BUD13: variants seen among roughly 807,000 people sequenced by gnomAD.
BUD13 encodes BUD13 homolog.
A neutral mutation model predicts 62.5 loss-of-function variants in BUD13; 47 were observed. The ratio of observed to expected loss-of-function variants is 0.75; its 90% CI spans 0.60 to 0.96. BUD13 has a LOEUF of 0.96. Among genes scored for constraint, BUD13 ranks in the 40% least tolerant of loss-of-function variants. BUD13 has a pLI of 0.00. For missense variants in BUD13, 821 were observed against 790.9 expected, an observed-to-expected ratio of 1.04 and a Z score of -0.46; for synonymous variants, 293 against 280.1, an observed-to-expected ratio of 1.05 and a Z score of -0.46.
At position 116,748,932 on chromosome 11, in the gene BUD13, C is replaced by T. The variant is rs1034942389; in HGVS notation, c.1767-357G>A. Among the ~76,000 whole-genome samples, 8 of 130,904 alleles carry T rather than the reference C, an allele frequency of 6.1e-5. No individual in the cohort carries two copies. In the South Asian group the frequency reaches 7.2e-4, roughly 12 times the overall value. The allele number at this position is 130,904 out of a possible 152,430, so 85.9% of individuals were successfully genotyped here. A position where few individuals can be genotyped will look rare whatever the true frequency, so the allele number is the denominator to read the frequency against. ...CCTGGACAGCAGAGGTTGCAGTGAG[C>T]GGAGATCGTGCCACTGCACTCCAGC... On this transcript the variant is annotated intron_variant, in intron 9 of 9. Transcript: ENST00000260210.
chr11:116,764,947 A>ATATT, intron 3 of BUD13, among the ~76,000 whole-genome samples: 1 of 152,308 alleles, frequency 6.6e-6, no homozygotes, highest in South Asian at 2.1e-4. Context: ...ACAGAACAAA[A>ATATT]TACACTGGTC....
At chr11:116,772,686 G>A (rs895030611) in intron 1 of BUD13, 136 bp downstream of exon 1, 5 of 1,235,826 alleles carry the variant, frequency 4.0e-6, no homozygotes, top group Non-Finnish European at 5.3e-6. Flanking sequence ...TGTGAGTGGG[G>A]CCCTGAGCAT....
intron 1 of BUD13, among the ~76,000 whole-genome samples, chr11:116,771,058 G>T (rs1940619279): frequency 1.3e-5 from 2 of 152,198 alleles, no homozygotes; most frequent in South Asian, 4.1e-4. Flanking sequence ...GCCTCCCAAA[G>T]TGCTAGGAAA....
Position 116,772,966 on chromosome 11 carries a change from G to C in BUD13, c.-2C>G. 1 of 1,547,288 alleles carries C rather than the reference G, an allele frequency of 6.5e-7. No individual in the cohort carries two copies. Among genetic ancestry groups the C allele is most frequent in the East Asian group, 2.5e-5 (1 of 39,460 alleles). ...GGAAAGCGGCGGAGCTGCCGCCATG[G>C]CAGCGGCGGGGGCAGAGAGACGGGT... On this transcript the variant is annotated 5_prime_UTR_variant, in exon 1 of 10. Transcript: ENST00000260210.
At chr11:116,767,525 G>A (rs911839179) in intron 2 of BUD13, among the ~76,000 whole-genome samples, 9 of 148,756 alleles carry the variant, frequency 6.1e-5, no homozygotes, top group Non-Finnish European at 8.9e-5. Flanking sequence ...CCCGGGAGGC[G>A]GAGCTTGCAG....
chr11:116,769,952 G>A (rs547844881), intron 2 of BUD13, among the ~76,000 whole-genome samples, 177 bp downstream of exon 2: 14 of 151,844 alleles, frequency 9.2e-5, no homozygotes, highest in African/African-American at 3.1e-4. Context: ...AGCTACTCAG[G>A]AGGCTGAGGC....
intron 9 of BUD13, among the ~76,000 whole-genome samples, chr11:116,748,980 CAAAAAA>C (rs58988682): frequency 3.4e-5 from 3 of 87,008 alleles, no homozygotes; most frequent in South Asian, 7.8e-4. Context: ...GACTCTGTCT[CAAAAAA>C]AAAAAAAAAA....
chr11:116,757,937 G>T lies in BUD13; in HGVS notation c.1513C>A (p.Arg505=). ...AQWGKGLAQS[R]QQQQNVEDAM... ...TCCTCCACATTTTGTTGCTGTTGCC[G>T]GCTCTGGGCAAGCCTGGGCAAAAAG... is the stretch of plus-strand genomic sequence containing the variant. Residue 505 remains arginine, a synonymous_variant, in exon 8 of 10, where the codon CGG becomes AGG. Transcript: ENST00000260210. 6.2e-7 allele frequency: 1 copy of T among 1,613,766 alleles called. No individual in the cohort carries two copies. The highest frequency in any genetic ancestry group is 8.5e-7 in the Non-Finnish European group (1 of 1,179,992).
At chr11:116,756,934 A>G (rs1269612003) in intron 9 of BUD13, among the ~76,000 whole-genome samples, 1 of 152,236 alleles carries the variant, frequency 6.6e-6, no homozygotes, top group African/African-American at 2.4e-5. Context: ...GTGTTTGTCC[A>G]GAGCTTTAAA....
At chr11:116,771,101 C>G (rs1345519911) in intron 1 of BUD13, among the ~76,000 whole-genome samples, 1 of 152,194 alleles carries the variant, frequency 6.6e-6, no homozygotes, top group Non-Finnish European at 1.5e-5. Flanking sequence ...CTTCCTCATT[C>G]TTCAGGTCCT....
At position 116,762,997 on chromosome 11, in the gene BUD13, G is replaced by A. The variant is rs1221980323; in HGVS notation, c.592C>T (p.Pro198Ser). ...SPPRRARHDS[P>S]DPSPPRRPQH... ...GGCCTCCTTGGGGGAGAAGGATCTGGAGAATCATGACGGGCCCTCCTTGGG... is the reference window on the plus strand; with the variant it reads ...GGCCTCCTTGGGGGAGAAGGATCTGAAGAATCATGACGGGCCCTCCTTGGG... Residue 198 changes from proline (P) to serine (S), a missense_variant, in exon 4 of 10, where the codon CCA (proline) becomes TCA (serine). Physicochemically the swap from Pro to Ser is moderately conservative, Grantham distance 74 (BLOSUM62 -1). Transcript: ENST00000260210. The A allele has an allele frequency of 6.2e-7, 1 of 1,613,852 alleles. No homozygotes were observed. Among genetic ancestry groups the A allele is most frequent in the African/African-American group, 1.3e-5 (1 of 74,950 alleles).
intron 3 of BUD13, 35 bp from the exon 4 acceptor site, chr11:116,763,301 A>G (rs367690388): frequency 1.3e-4 from 191 of 1,511,154 alleles, no homozygotes; most frequent in Non-Finnish European, 1.6e-4. Context: ...GATTCCCACA[A>G]ATGCTCTGTC....
chr11:116,761,951 G>A (rs1364904007), intron 4 of BUD13, among the ~76,000 whole-genome samples: 1 of 152,162 alleles, frequency 6.6e-6, no homozygotes, highest in African/African-American at 2.4e-5. Flanking sequence ...AAGTAGATAA[G>A]GAAATAATCC....
chr11:116,770,003 G>C lies in BUD13; in HGVS notation c.237+126C>G, dbSNP rs2134186022. 4.5e-6 allele frequency: 3 copies of C among 659,516 alleles called. No homozygotes were observed. The East Asian group carries it at 9.4e-5, about 21-fold the overall frequency. 40.9% of individuals were successfully genotyped at this position (659,516 alleles called of 1,614,324 possible). A position where few individuals can be genotyped will look rare whatever the true frequency, so the allele number is the denominator to read the frequency against. Reference sequence around the variant, plus strand: ...ACCCGGGAGGCGGAGGTTGCAGTGAGCCAAGATCATGCCATTGCACTCCAG... The same window carrying C: ...ACCCGGGAGGCGGAGGTTGCAGTGACCCAAGATCATGCCATTGCACTCCAG... On this transcript the variant is annotated intron_variant, in intron 2 of 9. Transcript: ENST00000260210.
Position 116,772,957 on chromosome 11 carries a change from G to C in BUD13, c.8C>G (p.Ala3Gly), listed in dbSNP as rs754282240. 6.4e-7 allele frequency: 1 copy of C among 1,555,428 alleles called. No homozygotes were observed. Among genetic ancestry groups the C allele is most frequent in the Non-Finnish European group, 8.7e-7 (1 of 1,148,584 alleles). MA[A>G]APPLSKAEYL... Reference sequence around the variant, plus strand: ...CTCGGCCTTGGAAAGCGGCGGAGCTGCCGCCATGGCAGCGGCGGGGGCAGA... The same window carrying C: ...CTCGGCCTTGGAAAGCGGCGGAGCTCCCGCCATGGCAGCGGCGGGGGCAGA... The change falls in exon 1 of 10, where the codon GCA becomes GGA. Residue 3 changes from alanine to glycine, a missense_variant. Around this residue, in one of 2 missense-constraint regions of BUD13, gnomAD observed 800 missense variants for 739.2 expected, o/e 1.08. Transcript: ENST00000260210.
chr11:116,756,597 G>GC (rs1015598606), intron 9 of BUD13, among the ~76,000 whole-genome samples: 10 of 152,174 alleles, frequency 6.6e-5, no homozygotes, highest in Non-Finnish European at 1.2e-4. Flanking sequence ...CCTTTAGTAG[G>GC]CAAGAGGAGA....
Position 116,748,293 on chromosome 11 carries a change from CA to C in BUD13, c.*188del. 1.9e-6 allele frequency: 1 copy of C among 533,952 alleles called. No homozygotes were observed. The allele number at this position is 533,952 out of a possible 1,614,324, so 33.1% of individuals were successfully genotyped here. On this transcript the variant is annotated 3_prime_UTR_variant, in exon 10 of 10. Transcript: ENST00000260210. ...AAGCCAGCAACAGCCGGTGCTGTCA[CA>C]CCCAAGAAGTACAGGTACCTCAGTC... is the stretch of plus-strand genomic sequence containing the variant.
At chr11:116,772,792 C>T in intron 1 of BUD13, 30 bp downstream of exon 1, 1 of 1,510,780 alleles carries the variant, frequency 6.6e-7, no homozygotes. Context: ...CTAGACGTCG[C>T]AGGCCCCGCC....
At chr11:116,770,027 A>G in intron 2 of BUD13, 102 bp downstream of exon 2, 1 of 869,280 alleles carries the variant, frequency 1.2e-6, no homozygotes, top group Non-Finnish European at 1.7e-6. Flanking sequence ...ATTGCACTCC[A>G]GCTTGGGTGA....
Sources: gnomAD v4.1 joint callset for allele counts (sites outside exome capture counted in the v4.1 genomes callset) on GRCh38, gnomAD v4.1.1 for gene constraint, gnomAD v4.1.1 regional missense constraint, MANE v1.5 for transcripts, NCBI Gene and HGNC (gene_info 2026-07-23, HGNC 2026-07-21) for gene names.